BDP1: variants seen among roughly 807,000 people sequenced by gnomAD.
BDP1 encodes the protein BDP1 general transcription factor IIIB subunit, also known as transcription factor TFIIIB component B'' homolog.
BDP1 carries 169 observed loss-of-function variants against 266.6 expected under a neutral mutation model. The ratio of observed to expected loss-of-function variants is 0.63; its 90% CI spans 0.56 to 0.72. BDP1 has a LOEUF of 0.72. BDP1 is among the 30% of genes least tolerant of loss of function. The probability of loss-of-function intolerance (pLI) is 0.00; values close to 1 mark genes in which losing one functional copy is unlikely to be tolerated. For synonymous variants in BDP1, 1,090 were observed against 1,022.4 expected (o/e 1.07, Z -1.26); for missense variants, 3,015 against 3,053.8 (o/e 0.99, Z 0.30).
At chr5:71,576,720 G>A in the BDP1 span, among the ~76,000 whole-genome samples, 1 of 152,180 alleles carries the variant, frequency 6.6e-6, no homozygotes, top group African/African-American at 2.4e-5. Flanking sequence ...TGGCATTGGT[G>A]GCAAGCTTTT....
At chr5:71,505,987 T>G (rs1580095062) in intron 16 of BDP1, among the ~76,000 whole-genome samples, 1 of 152,218 alleles carries the variant, frequency 6.6e-6, no homozygotes, top group East Asian at 1.9e-4. Context: ...TTCCTTTGCT[T>G]CTTATTCCTC....
At chr5:71,464,034 GAT>G (rs762853975) in intron 3 of BDP1, 22 bp from the exon 4 acceptor site, 2 of 1,346,878 alleles carry the variant, frequency 1.5e-6, no homozygotes, top group Non-Finnish European at 2.0e-6. Context: ...ATTTATTAAA[GAT>G]ATTGTTATTT....
At chr5:71,539,354 G>A (rs554574073) in intron 27 of BDP1, among the ~76,000 whole-genome samples, 1 of 152,270 alleles carries the variant, frequency 6.6e-6, no homozygotes, top group South Asian at 2.1e-4. Flanking sequence ...GGGAGGCATG[G>A]TCAGTGAGTC....
chr5:71,517,735 T>C (rs1765294989), intron 22 of BDP1, among the ~76,000 whole-genome samples: 1 of 152,114 alleles, frequency 6.6e-6, no homozygotes, highest in Non-Finnish European at 1.5e-5. Context: ...AAATTTTTAA[T>C]AGTAGACAAA....
intron 14 of BDP1, among the ~76,000 whole-genome samples, chr5:71,501,918 AAG>A (rs1305044106): frequency 6.6e-6 from 1 of 152,100 alleles, no homozygotes; most frequent in Non-Finnish European, 1.5e-5. Flanking sequence ...TATTTATACT[AAG>A]AGATTTTAAA....
chr5:71,464,623 C>G (rs1218859418), intron 4 of BDP1, among the ~76,000 whole-genome samples: 2 of 151,642 alleles, frequency 1.3e-5, no homozygotes, highest in Non-Finnish European at 2.9e-5. Flanking sequence ...CTCACTGCAG[C>G]CTTGACCTCC....
chr5:71,513,657 C>A (rs1765062294), intron 19 of BDP1, among the ~76,000 whole-genome samples: 1 of 151,948 alleles, frequency 6.6e-6, no homozygotes, highest in African/African-American at 2.4e-5. Context: ...CCAGTTCCAG[C>A]TATGTGACCA....
chr5:71,549,286 T>G, intron 33 of BDP1, 134 bp from the exon 34 acceptor site: 1 of 745,884 alleles, frequency 1.3e-6, no homozygotes, highest in Non-Finnish European at 2.1e-6. Context: ...GGGGGGTTGT[T>G]GGGGGGAGCA....
In BDP1 at chr5:71,481,807, A is replaced by G. The variant is rs150940190; in HGVS notation, c.1015-2035A>G. 8.5e-5 allele frequency among the ~76,000 whole-genome samples: 13 copies of G among 152,102 alleles called. No individual in the cohort carries two copies. In the East Asian group the frequency reaches 2.5e-3, roughly 29 times the overall value. ...AGTCTCATGGTAGGCATGAGTTATT[A>G]TTTTCTAAGTTCTCTAAGGATGGTT... On this transcript the variant is annotated intron_variant, in intron 7 of 38. Transcript: ENST00000358731.
chr5:71,562,729 T>A (rs1298400180), intron 38 of BDP1: 1 of 1,469,328 alleles, frequency 6.8e-7, no homozygotes, highest in Non-Finnish European at 9.0e-7. Flanking sequence ...ACAGAGCCAT[T>A]GAACTAACCA....
chr5:71,512,984 C>T (rs1425323582), intron 18 of BDP1, among the ~76,000 whole-genome samples: 1 of 149,284 alleles, frequency 6.7e-6, no homozygotes, highest in African/African-American at 2.5e-5. Context: ...ATCACTTGAG[C>T]CCGCGGAGGT....
At chr5:71,479,167 C>G (rs111509515) in intron 7 of BDP1, among the ~76,000 whole-genome samples, 1 of 151,874 alleles carries the variant, frequency 6.6e-6, no homozygotes, top group Non-Finnish European at 1.5e-5. Context: ...CTCAGCCTCC[C>G]GAGTAGCTGG....
chr5:71,501,396 A>G (rs1448290779), intron 13 of BDP1, among the ~76,000 whole-genome samples, 166 bp from the exon 14 acceptor site: 1 of 151,414 alleles, frequency 6.6e-6, no homozygotes, highest in African/African-American at 2.4e-5. Context: ...CTGGTCTTGA[A>G]CTCCTGAGCT....
chr5:71,527,697 G>A (rs1364695673), intron 25 of BDP1, among the ~76,000 whole-genome samples: 2 of 152,014 alleles, frequency 1.3e-5, no homozygotes, highest in African/African-American at 2.4e-5. Flanking sequence ...CCACCTTTTG[G>A]CTGTTAGAAA....
intron 3 of BDP1, among the ~76,000 whole-genome samples, chr5:71,463,834 A>G (rs1415425317): frequency 6.6e-6 from 1 of 151,354 alleles, no homozygotes; most frequent in Non-Finnish European, 1.5e-5. Context: ...TGTATTAAAA[A>G]AAAAAAAAAA....
intron 9 of BDP1, among the ~76,000 whole-genome samples, chr5:71,487,402 C>T (rs770118447): frequency 3.3e-5 from 5 of 152,056 alleles, no homozygotes; most frequent in Admixed American, 6.6e-5. Flanking sequence ...TCACCACACC[C>T]GGCTAATTTT....
At chr5:71,486,342 A>C in intron 8 of BDP1, 142 bp from the exon 9 acceptor site, 1 of 596,948 alleles carries the variant, frequency 1.7e-6, no homozygotes, top group Non-Finnish European at 2.8e-6. Flanking sequence ...TCTGTTGCTG[A>C]GTGGTGTTCT....
intron 16 of BDP1, among the ~76,000 whole-genome samples, chr5:71,505,258 C>T (rs1000906876): frequency 8.5e-5 from 13 of 152,120 alleles, no homozygotes; most frequent in East Asian, 1.9e-4. Flanking sequence ...CCACCTGTCT[C>T]GGCCTCCTAA....
At chr5:71,469,663 G>C (rs963108726) in intron 6 of BDP1, among the ~76,000 whole-genome samples, 5 of 151,940 alleles carry the variant, frequency 3.3e-5, no homozygotes, top group Non-Finnish European at 7.4e-5. Context: ...GCCCAGGCTG[G>C]AGTGCAGTGG....
Sources: allele counts gnomAD v4.1 joint callset (sites outside exome capture counted in the v4.1 genomes callset), GRCh38; gene constraint gnomAD v4.1.1; transcripts MANE v1.5; gene names NCBI Gene and HGNC (gene_info 2026-07-23, HGNC 2026-07-21).